Variants in USP54 observed in about 807,000 individuals in gnomAD.
USP54 encodes the protein ubiquitin carboxyl-terminal hydrolase 54.
USP54 carries 87 observed loss-of-function variants against 170.5 expected under a neutral mutation model. That is an observed-to-expected ratio of 0.51 (90% CI 0.43 to 0.61). The LOEUF (loss-of-function observed/expected upper bound fraction) is 0.61, where lower values mean the gene tolerates loss of function less well. USP54 is among the 20% of genes least tolerant of loss of function. The pLI is 0.00. For missense variants in USP54, 1,786 were observed against 2,047.8 expected (o/e 0.87, Z 2.47); for synonymous variants, 655 against 742.8 (o/e 0.88, Z 1.92).
intron 23 of USP54, chr10:73,499,832 C>G (rs931116599): frequency 2.0e-5 from 3 of 152,516 alleles, no homozygotes; most frequent in Admixed American, 2.0e-4. Flanking sequence ...CTTTGGCACT[C>G]TTGGTATCTT....
At chr10:73,565,370 G>C (rs111688796) in intron 4 of USP54, among the ~76,000 whole-genome samples, 1 of 151,812 alleles carries the variant, frequency 6.6e-6, no homozygotes, top group Non-Finnish European at 1.5e-5. Context: ...TTTAAAAATC[G>C]CCAGACATGG....
intron 9 of USP54, among the ~76,000 whole-genome samples, chr10:73,540,737 G>A (rs1445849935): frequency 6.6e-6 from 1 of 152,092 alleles, no homozygotes; most frequent in Non-Finnish European, 1.5e-5. Flanking sequence ...TGGGACTACA[G>A]GTAGGCACTG....
chr10:73,568,101 T>TG (rs2074259192), intron 4 of USP54, among the ~76,000 whole-genome samples: 1 of 151,922 alleles, frequency 6.6e-6, no homozygotes, highest in Admixed American at 6.6e-5. Context: ...TTTGTAGAGA[T>TG]GGGGTCTTGC....
chr10:73,560,794 C>T (rs2072745364), intron 4 of USP54, among the ~76,000 whole-genome samples: 1 of 149,644 alleles, frequency 6.7e-6, no homozygotes, highest in African/African-American at 2.5e-5. Flanking sequence ...CTACCAAAAA[C>T]TCCGTAACTA....
At chr10:73,594,077 CT>C (rs1035195917), upstream of USP54, among the ~76,000 whole-genome samples, 70 of 146,134 alleles carry the variant, frequency 4.8e-4, no homozygotes, top group Admixed American at 1.0e-3. Context: ...ATAAAAGACT[CT>C]TTTTTTTTTT....
intron 20 of USP54, among the ~76,000 whole-genome samples, chr10:73,509,755 CCTAGCA>C (rs1157388212): frequency 6.6e-6 from 1 of 152,096 alleles, no homozygotes; most frequent in Non-Finnish European, 1.5e-5. Flanking sequence ...TGCCTGTAAT[CCTAGCA>C]CTTTGGGTGG....
chr10:73,616,060 C>T (rs114627615), intron 1 of USP54, among the ~76,000 whole-genome samples: 8,429 of 150,068 alleles, frequency 0.056, 1,438 homozygotes, highest in African/African-American at 0.19. Flanking sequence ...ACAGAAATTA[C>T]TTAAGCCAGG....
chr10:73,529,541 G>T, intron 15 of USP54, 139 bp downstream of exon 15: 3 of 923,524 alleles, frequency 3.2e-6, no homozygotes, highest in Non-Finnish European at 5.3e-6. Context: ...GGGTGCTGTT[G>T]TTATAGGAAG....
At chr10:73,596,760 G>A (rs541877148) in intron 1 of USP54, among the ~76,000 whole-genome samples, 50 of 149,064 alleles carry the variant, frequency 3.4e-4, no homozygotes, top group African/African-American at 1.2e-3. Flanking sequence ...GGGTTTCTCA[G>A]TGTTTATGTT....
intron 16 of USP54, among the ~76,000 whole-genome samples, chr10:73,526,400 G>A (rs968744173): frequency 4.6e-5 from 7 of 152,018 alleles, no homozygotes; most frequent in South Asian, 2.1e-4. Flanking sequence ...GGTGCACGCC[G>A]CTACGCTGGT....
At chr10:73,596,496 T>C (rs917901808) in intron 1 of USP54, among the ~76,000 whole-genome samples, 23 of 151,652 alleles carry the variant, frequency 1.5e-4, no homozygotes, top group Non-Finnish European at 2.9e-4. Flanking sequence ...GAGGCGGAGC[T>C]TGCAGTGAGC....
intron 20 of USP54, among the ~76,000 whole-genome samples, chr10:73,511,829 A>G (rs1352333727): frequency 6.7e-6 from 1 of 148,198 alleles, no homozygotes; most frequent in Non-Finnish European, 1.5e-5. Flanking sequence ...TGCAACCTCC[A>G]TCTCCTGGGT....
rs542561633 is a variant in USP54 at position 73,550,699 on chromosome 10, GT to G, written c.241-5028del. On this transcript the variant is annotated intron_variant, in intron 4 of 23. Transcript: ENST00000687698. ...TAAGGGGGAGATATTATTAAAATCTGTTTTTTTTTAAATAAGTAAGGAATCA... is the reference window on the plus strand; with the variant it reads ...TAAGGGGGAGATATTATTAAAATCTGTTTTTTTTAAATAAGTAAGGAATCA... Among the ~76,000 whole-genome samples the G allele has an allele frequency of 1.7e-3, 242 of 144,428 alleles. 2 individuals carry two copies. Among genetic ancestry groups the G allele is most frequent in the East Asian group, 0.014 (73 of 5,152 alleles). The allele number at this position is 144,428 out of a possible 152,430, so 94.8% of individuals were successfully genotyped here. A position where few individuals can be genotyped will look rare whatever the true frequency, so the allele number is the denominator to read the frequency against.
At chr10:73,618,292 G>C (rs764015875) in intron 1 of USP54, among the ~76,000 whole-genome samples, 26 of 150,518 alleles carry the variant, frequency 1.7e-4, no homozygotes, top group Non-Finnish European at 3.1e-4. Flanking sequence ...TCACTCTGAC[G>C]TGTAGTCAGA....
upstream of USP54, among the ~76,000 whole-genome samples, chr10:73,594,968 C>T (rs1309192839): frequency 6.6e-6 from 1 of 151,818 alleles, no homozygotes; most frequent in East Asian, 1.9e-4. Context: ...CTCTGTCACC[C>T]AGGCTGGAGT....
chr10:73,592,471 C>CA (rs367984467), upstream of USP54, among the ~76,000 whole-genome samples: 2,722 of 67,182 alleles, frequency 0.041, 38 homozygotes, highest in Middle Eastern at 0.075. Context: ...GAAAGTGCCA[C>CA]AAAAAAAAAA....
At chr10:73,529,602 A>G (rs2063612000) in intron 15 of USP54, 78 bp downstream of exon 15, 2 of 1,527,392 alleles carry the variant, frequency 1.3e-6, no homozygotes, top group African/African-American at 1.4e-5. Flanking sequence ...CACTTGTCTC[A>G]GCCATGCCTG....
At chr10:73,553,917 CTT>C (rs2070291029) in intron 4 of USP54, among the ~76,000 whole-genome samples, 1 of 152,162 alleles carries the variant, frequency 6.6e-6, no homozygotes, top group Non-Finnish European at 1.5e-5. Flanking sequence ...ACCCATCTCT[CTT>C]GATTAAGCAG....
At chr10:73,524,266 T>C (rs571339000) in intron 16 of USP54, among the ~76,000 whole-genome samples, 1 of 152,034 alleles carries the variant, frequency 6.6e-6, no homozygotes, top group South Asian at 2.1e-4. Flanking sequence ...CGGATGGCAC[T>C]TGGGCCAGGA....
Sources: allele counts gnomAD v4.1 joint callset (sites outside exome capture counted in the v4.1 genomes callset), GRCh38; gene constraint gnomAD v4.1.1; transcripts MANE v1.5; gene names NCBI Gene and HGNC (gene_info 2026-07-23, HGNC 2026-07-21).